DEFB112: variants seen among roughly 807,000 people sequenced by gnomAD.
DEFB112 encodes defensin beta 112.
Under a neutral mutation model 1.1 loss-of-function variants are expected in DEFB112, and 2 were observed. The ratio of observed to expected loss-of-function variants is 1.85; its 90% confidence interval spans 0.76 to 5.83. The LOEUF (loss-of-function observed/expected upper bound fraction) is 5.83, where lower values mean the gene tolerates loss of function less well. Among genes scored for constraint, DEFB112 ranks in the 30% most tolerant of loss-of-function variants. DEFB112 has a pLI of 0.05. For synonymous variants in DEFB112, 40 were observed against 31.2 expected, an observed-to-expected ratio of 1.28 and a Z score of -0.93; for missense variants, 120 against 94.4, an observed-to-expected ratio of 1.27 and a Z score of -1.12.
At position 50,047,983 on chromosome 6, in the gene DEFB112, TA is replaced by T. The variant is rs1434473488; in HGVS notation, c.58+1828del. On this transcript the variant is annotated intron_variant, in intron 1 of 1. Coordinates refer to ENST00000651554, the MANE Select transcript of DEFB112 (RefSeq NM_001369057.2). Reference sequence around the variant, plus strand: ...CAACATGGTGAAACCCTGTCTCTACTAAAAATACAAAAAATTAGCGGGGCGT... The same window carrying T: ...CAACATGGTGAAACCCTGTCTCTACTAAAATACAAAAAATTAGCGGGGCGT... 2.0e-5 allele frequency among the ~76,000 whole-genome samples: 3 copies of T among 151,736 alleles called. 1 individual carries two copies. Among genetic ancestry groups the T allele is most frequent in the African/African-American group, 7.3e-5 (3 of 41,286 alleles).
In DEFB112 at chr6:50,043,274, C is replaced by A. The variant is rs916562297; in HGVS notation, c.*301G>T. Among the ~76,000 whole-genome samples the A allele has an allele frequency of 5.3e-5, 8 of 152,044 alleles. No individual in the cohort carries two copies. The highest frequency in any genetic ancestry group is 6.6e-5 in the Admixed American group (1 of 15,232). On this transcript the variant is annotated 3_prime_UTR_variant, in exon 2 of 2. Transcript: ENST00000651554. ...TCTTGATAATACCTCACTAATGACT[C>A]ATAATATGCTTTTCACACTAAATAA...
Position 50,043,480 on chromosome 6 carries a change from G to C in DEFB112, c.*95C>G, listed in dbSNP as rs1221250469. 1 of 792,418 alleles carries C rather than the reference G, an allele frequency of 1.3e-6. No homozygotes were observed. Among genetic ancestry groups the C allele is most frequent in the East Asian group, 2.7e-5 (1 of 37,300 alleles). The allele number at this position is 792,418 out of a possible 1,614,324, so 49.1% of individuals were successfully genotyped here. A position where few individuals can be genotyped will look rare whatever the true frequency, so the allele number is the denominator to read the frequency against. On this transcript the variant is annotated 3_prime_UTR_variant, in exon 2 of 2. Transcript: ENST00000651554. ...TTTATTTAATTATTTATTCATTATAGGTATGCATGCATGGAAATTATAGGT... is the reference window on the plus strand; with the variant it reads ...TTTATTTAATTATTTATTCATTATACGTATGCATGCATGGAAATTATAGGT...
At chr6:50,048,979 G>T (rs1430127890) in intron 1 of DEFB112, among the ~76,000 whole-genome samples, 1 of 152,026 alleles carries the variant, frequency 6.6e-6, no homozygotes, top group Non-Finnish European at 1.5e-5. Flanking sequence ...ATTGAAATCT[G>T]TATAATTCTT....
rs1046255908 is a variant in DEFB112, at chr6:50,042,789, T to C, written c.*786A>G. Among the ~76,000 whole-genome samples the C allele has an allele frequency of 3.3e-5, 5 of 152,058 alleles. No individual in the cohort carries two copies. The highest frequency in any genetic ancestry group is 9.7e-5 in the African/African-American group (4 of 41,434). Reference sequence around the variant, plus strand: ...ACAAAAATTTCTATAATAGAAATTATATGTGTGAGCATGCATACACACATA... The same window carrying C: ...ACAAAAATTTCTATAATAGAAATTACATGTGTGAGCATGCATACACACATA... On this transcript the variant is annotated 3_prime_UTR_variant, in exon 2 of 2. Coordinates refer to ENST00000651554, the MANE Select transcript of DEFB112 (RefSeq NM_001369057.2).
chr6:50,048,705 A>T (rs1296708109), intron 1 of DEFB112: 1 of 1,285,886 alleles, frequency 7.8e-7, no homozygotes, highest in African/African-American at 1.5e-5. Context: ...AATTACTTTA[A>T]AAGTAGGAGG....
In DEFB112 at chr6:50,043,573, C is replaced by A; in HGVS notation, c.*2G>T. On this transcript the variant is annotated 3_prime_UTR_variant, in exon 2 of 2. Transcript: ENST00000651554. ...GTATCATCTTCTTGTGCATGGATTT[C>A]TTCAATGACGTGAGTCTTTAGGGTA... 6.2e-7 allele frequency: 1 copy of A among 1,610,128 alleles called. No homozygotes were observed.
intron 1 of DEFB112, among the ~76,000 whole-genome samples, chr6:50,045,247 T>A (rs571612504): frequency 6.6e-6 from 1 of 152,046 alleles, no homozygotes. Flanking sequence ...AAGGGGTATT[T>A]CCTTCTGAGA....
chr6:50,048,523 T>G, intron 1 of DEFB112: 1 of 1,590,202 alleles, frequency 6.3e-7, no homozygotes, highest in Non-Finnish European at 8.6e-7. Context: ...ACAATTCTAC[T>G]TATTTTGTTT....
intron 1 of DEFB112, among the ~76,000 whole-genome samples, chr6:50,044,466 A>T (rs191520678): frequency 6.6e-6 from 1 of 152,128 alleles, no homozygotes; most frequent in East Asian, 1.9e-4. Flanking sequence ...GCTATAGAAA[A>T]TTTTTAAAAA....
intron 1 of DEFB112, among the ~76,000 whole-genome samples, chr6:50,044,097 C>T (rs191539104): frequency 1.3e-5 from 2 of 152,108 alleles, no homozygotes; most frequent in Non-Finnish European, 2.9e-5. Flanking sequence ...TTGACTAGAA[C>T]CATTGGATAT....
At chr6:50,047,544 T>C (rs1774854314) in intron 1 of DEFB112, among the ~76,000 whole-genome samples, 1 of 152,206 alleles carries the variant, frequency 6.6e-6, no homozygotes, top group Admixed American at 6.5e-5. Flanking sequence ...CTGGTTTCCT[T>C]AGCTCTTGTG....
intron 1 of DEFB112, among the ~76,000 whole-genome samples, chr6:50,046,950 G>A (rs1357941701): frequency 6.6e-6 from 1 of 152,168 alleles, no homozygotes; most frequent in Non-Finnish European, 1.5e-5. Context: ...CACCGAGGCT[G>A]GCCTCGGGGC....
chr6:50,047,565 C>T (rs766573773), intron 1 of DEFB112, among the ~76,000 whole-genome samples: 17 of 152,232 alleles, frequency 1.1e-4, no homozygotes, highest in Middle Eastern at 3.4e-3. Flanking sequence ...AAGGCATTTT[C>T]GTGCATGGAT....
intron 1 of DEFB112, 99 bp from the exon 2 acceptor site, chr6:50,043,900 TAAAGG>T (rs1774790225): frequency 2.0e-6 from 2 of 1,015,184 alleles, no homozygotes; most frequent in Admixed American, 2.2e-5. Flanking sequence ...AGAGGAGAAA[TAAAGG>T]AAATGGATAT....
Position 50,047,067 on chromosome 6 carries a change from A to T in DEFB112, c.58+2745T>A, listed in dbSNP as rs1324513. On this transcript the variant is annotated intron_variant, in intron 1 of 1. Coordinates refer to ENST00000651554, the MANE Select transcript of DEFB112 (RefSeq NM_001369057.2). ...TTGGTGTTGGGGGGATCCAGAGCCC[A>T]GGAACACTGGGGCCAGCCTAGCTCT... 7.9e-3 allele frequency among the ~76,000 whole-genome samples: 1,200 copies of T among 152,310 alleles called. 6 individuals carry two copies. The highest frequency in any genetic ancestry group is 0.013 in the Non-Finnish European group (888 of 68,002).
Position 50,043,629 on chromosome 6 carries a change from G to C in DEFB112, c.231C>G (p.Ile77Met). ...ECDPTDPNNW[I>M]PKDSVGTQEW... ...CTTGAGTCCCTACTGAGTCCTTTGG[G>C]ATCCAATTATTTGGGTCCGTAGGGT... The change falls in exon 2 of 2, where the codon ATC (isoleucine) becomes ATG (methionine). Residue 77 changes from isoleucine to methionine, a missense_variant. Ile to Met is a conservative substitution (Grantham distance 10). Coordinates refer to ENST00000651554, the MANE Select transcript of DEFB112 (RefSeq NM_001369057.2). The C allele has an allele frequency of 1.2e-6, 2 of 1,613,466 alleles. No individual in the cohort carries two copies. The highest frequency in any genetic ancestry group is 3.3e-5 in the Admixed American group (2 of 59,954).
At chr6:50,047,644 A>G (rs1774856123) in intron 1 of DEFB112, among the ~76,000 whole-genome samples, 1 of 152,200 alleles carries the variant, frequency 6.6e-6, no homozygotes, top group Non-Finnish European at 1.5e-5. Flanking sequence ...TCATGCTGAC[A>G]TCCAGTGAAA....
chr6:50,049,411 A>G (rs1582384146), intron 1 of DEFB112, among the ~76,000 whole-genome samples: 1 of 152,142 alleles, frequency 6.6e-6, no homozygotes, highest in East Asian at 1.9e-4. Context: ...TCTGCTATAA[A>G]TATCACTGTG....
At chr6:50,044,756 C>CG (rs1774805716) in intron 1 of DEFB112, among the ~76,000 whole-genome samples, 1 of 151,906 alleles carries the variant, frequency 6.6e-6, no homozygotes. Flanking sequence ...TACCATTACT[C>CG]GACTAATATA....
Sources: allele counts gnomAD v4.1 joint callset (sites outside exome capture counted in the v4.1 genomes callset), GRCh38; gene constraint gnomAD v4.1.1; transcripts MANE v1.5; gene names NCBI Gene and HGNC (gene_info 2026-07-23, HGNC 2026-07-21).